The following SH3PXD2A variants were observed in gnomAD, a reference collection of about 807,000 sequenced individuals.
The protein encoded by SH3PXD2A is SH3 and PX domain-containing protein 2A.
A neutral mutation model predicts 115.2 loss-of-function variants in SH3PXD2A; 32 were observed. That is an observed-to-expected ratio of 0.28 (90% CI 0.21 to 0.37). The LOEUF (loss-of-function observed/expected upper bound fraction) is 0.37. Ranked by LOEUF, SH3PXD2A falls within the 10% of genes least tolerant of loss-of-function variation. The pLI is 1.00. For synonymous variants in SH3PXD2A, 610 were observed against 629.1 expected (o/e 0.97, Z 0.45); for missense variants, 1,328 against 1,498.7 (o/e 0.89, Z 1.88).
At chr10:103,635,672 A>C (rs1358727320) in intron 8 of SH3PXD2A, among the ~76,000 whole-genome samples, 1 of 152,184 alleles carries the variant, frequency 6.6e-6, no homozygotes, top group Non-Finnish European at 1.5e-5. Flanking sequence ...AAACCCCTAG[A>C]CCGGAGAAGT....
intron 2 of SH3PXD2A, among the ~76,000 whole-genome samples, chr10:103,800,287 C>T (rs1048415636): frequency 6.6e-6 from 1 of 152,168 alleles, no homozygotes; most frequent in Non-Finnish European, 1.5e-5. Flanking sequence ...CCCTCAACTC[C>T]CAGCCATACT....
At chr10:103,672,499 T>C (rs1264231902) in intron 6 of SH3PXD2A, among the ~76,000 whole-genome samples, 1 of 152,232 alleles carries the variant, frequency 6.6e-6, no homozygotes, top group Non-Finnish European at 1.5e-5. Context: ...ACCACTTGAA[T>C]GCAGGCTCAA....
intron 8 of SH3PXD2A, among the ~76,000 whole-genome samples, chr10:103,636,693 A>G (rs1213779758): frequency 1.3e-5 from 2 of 152,138 alleles, no homozygotes; most frequent in Admixed American, 6.5e-5. Flanking sequence ...GCACACAATT[A>G]GGATGTTAAT....
At chr10:103,622,639 G>A (rs2036624895) in intron 9 of SH3PXD2A, 86 bp from the exon 10 acceptor site, 8 of 687,964 alleles carry the variant, frequency 1.2e-5, no homozygotes, top group Non-Finnish European at 1.8e-5. Flanking sequence ...ATGGGGGTGG[G>A]AGGAAGGGGC....
chr10:103,775,072 A>C (rs2038865151), intron 2 of SH3PXD2A, among the ~76,000 whole-genome samples: 1 of 152,200 alleles, frequency 6.6e-6, no homozygotes, highest in South Asian at 2.1e-4. Context: ...GAGGAGAGAG[A>C]GAGGACCTGT....
intron 6 of SH3PXD2A, among the ~76,000 whole-genome samples, chr10:103,670,490 C>G (rs1390283509): frequency 6.6e-6 from 1 of 152,238 alleles, no homozygotes; most frequent in Non-Finnish European, 1.5e-5. Context: ...GCCTGCCTCC[C>G]TGGGTTCAAT....
intron 6 of SH3PXD2A, among the ~76,000 whole-genome samples, chr10:103,675,230 C>A (rs893416881): frequency 6.6e-6 from 1 of 152,224 alleles, no homozygotes; most frequent in South Asian, 2.1e-4. Context: ...AGGGTCCCTG[C>A]AGCTGATTTA....
intron 1 of SH3PXD2A, among the ~76,000 whole-genome samples, chr10:103,811,490 GAGACT>G (rs1483985559): frequency 1.2e-4 from 19 of 152,220 alleles, no homozygotes; most frequent in Non-Finnish European, 2.8e-4. Flanking sequence ...CATAAGTGAA[GAGACT>G]AGGGCCCAGA....
chr10:103,855,000 G>C (rs1342532184), intron 1 of SH3PXD2A, among the ~76,000 whole-genome samples, 195 bp downstream of exon 1: 1 of 152,182 alleles, frequency 6.6e-6, no homozygotes, highest in Non-Finnish European at 1.5e-5. Flanking sequence ...GAAACCGGGG[G>C]GGCGGGGGTG....
At chr10:103,845,330 C>CAAAAA (rs371956451) in intron 1 of SH3PXD2A, among the ~76,000 whole-genome samples, 2 of 37,856 alleles carry the variant, frequency 5.3e-5, no homozygotes, top group Non-Finnish European at 1.6e-4. Context: ...GACTTCATCT[C>CAAAAA]AAAAAAAAAA....
intron 8 of SH3PXD2A, among the ~76,000 whole-genome samples, chr10:103,658,075 C>A (rs1260966151): frequency 6.6e-6 from 1 of 152,262 alleles, no homozygotes; most frequent in African/African-American, 2.4e-5. Context: ...TCCATGATAT[C>A]CCAAAAGAAT....
At chr10:103,835,666 G>T (rs145709271) in intron 1 of SH3PXD2A, among the ~76,000 whole-genome samples, 1 of 151,960 alleles carries the variant, frequency 6.6e-6, no homozygotes, top group Non-Finnish European at 1.5e-5. Flanking sequence ...TCTTTTGGCC[G>T]CCCCCCCAAC....
At chr10:103,767,701 C>CTAGCCAATATT (rs1279927995) in intron 2 of SH3PXD2A, among the ~76,000 whole-genome samples, 1 of 152,086 alleles carries the variant, frequency 6.6e-6, no homozygotes, top group African/African-American at 2.4e-5. Flanking sequence ...CCCCTGCTGC[C>CTAGCCAATATT]GGAAGACCAT....
At chr10:103,622,725 C>T (rs1488443540) in intron 9 of SH3PXD2A, among the ~76,000 whole-genome samples, 172 bp from the exon 10 acceptor site, 1 of 152,172 alleles carries the variant, frequency 6.6e-6, no homozygotes, top group Non-Finnish European at 1.5e-5. Context: ...TTGGATGGGG[C>T]AGATATGACA....
At chr10:103,624,388 G>C (rs966048457) in intron 9 of SH3PXD2A, among the ~76,000 whole-genome samples, 1 of 152,212 alleles carries the variant, frequency 6.6e-6, no homozygotes, top group African/African-American at 2.4e-5. Flanking sequence ...TTGGGTTCTG[G>C]TCTTGGCTCT....
chr10:103,819,958 T>C (rs2039361242), intron 1 of SH3PXD2A, among the ~76,000 whole-genome samples: 1 of 151,790 alleles, frequency 6.6e-6, no homozygotes. Context: ...GATCTCAGAG[T>C]GGGAGTGGGT....
At chr10:103,818,478 G>T (rs1163871059) in intron 1 of SH3PXD2A, among the ~76,000 whole-genome samples, 1 of 152,172 alleles carries the variant, frequency 6.6e-6, no homozygotes, top group Non-Finnish European at 1.5e-5. Context: ...CAGCAACAAA[G>T]AAACCGGCTC....
At chr10:103,664,753 GC>G (rs896417936) in intron 7 of SH3PXD2A, among the ~76,000 whole-genome samples, 4 of 148,804 alleles carry the variant, frequency 2.7e-5, no homozygotes, top group African/African-American at 1.0e-4. Flanking sequence ...TGCAACCTCC[GC>G]CCCCCAGGTT....
intron 2 of SH3PXD2A, among the ~76,000 whole-genome samples, chr10:103,794,695 C>G (rs1349226157): frequency 6.6e-6 from 1 of 152,244 alleles, no homozygotes; most frequent in Non-Finnish European, 1.5e-5. Flanking sequence ...TCCTGGTCAG[C>G]TTTCCCTGGG....
Sources: gnomAD v4.1 joint callset for allele counts (sites outside exome capture counted in the v4.1 genomes callset) on GRCh38, gnomAD v4.1.1 for gene constraint, MANE v1.5 for transcripts, NCBI Gene and HGNC (gene_info 2026-07-23, HGNC 2026-07-21) for gene names.